The following ME1 variants were observed in gnomAD, a reference collection of about 807,000 sequenced individuals.
The protein encoded by ME1 is malic enzyme 1, also known as NADP-dependent malic enzyme.
A neutral mutation model predicts 66.4 loss-of-function variants in ME1; 74 were observed. The observed-to-expected ratio is 1.11, with a 90% CI of 0.92 to 1.35. The LOEUF is 1.35. Ranked by LOEUF, ME1 falls within the 40% of genes most tolerant of loss-of-function variation. ME1 has a pLI of 0.00. For missense variants in ME1, 750 were observed against 694.1 expected (o/e 1.08, Z -0.90); for synonymous variants, 251 against 235.6 (o/e 1.07, Z -0.60).
At chr6:83,401,337 A>C (rs1385859401) in intron 2 of ME1, among the ~76,000 whole-genome samples, 1 of 151,928 alleles carries the variant, frequency 6.6e-6, no homozygotes, top group East Asian at 1.9e-4. Context: ...CCTTTCTCAA[A>C]ATAATAATAA....
At chr6:83,422,021 A>T (rs1770277791) in intron 1 of ME1, among the ~76,000 whole-genome samples, 1 of 152,176 alleles carries the variant, frequency 6.6e-6, no homozygotes, top group Non-Finnish European at 1.5e-5. Flanking sequence ...TTTTCCGGCC[A>T]TGAGGACTGG....
chr6:83,384,135 C>A (rs1279837460), intron 3 of ME1, among the ~76,000 whole-genome samples: 1 of 151,738 alleles, frequency 6.6e-6, no homozygotes, highest in Non-Finnish European at 1.5e-5. Context: ...ACGAACATAC[C>A]AGTGCATGTG....
chr6:83,394,198 T>A (rs936865482), intron 3 of ME1, among the ~76,000 whole-genome samples: 1 of 152,086 alleles, frequency 6.6e-6, no homozygotes, highest in Non-Finnish European at 1.5e-5. Flanking sequence ...TTAATGTAAC[T>A]ATTACATAAA....
chr6:83,323,729 A>C (rs1331885952), intron 5 of ME1, among the ~76,000 whole-genome samples: 1 of 152,180 alleles, frequency 6.6e-6, no homozygotes, highest in African/African-American at 2.4e-5. Context: ...CTCCCACAAA[A>C]TAATAGTGGA....
chr6:83,340,783 C>G (rs964965951), intron 5 of ME1, among the ~76,000 whole-genome samples: 2 of 151,898 alleles, frequency 1.3e-5, no homozygotes, highest in Non-Finnish European at 2.9e-5. Context: ...GTTTATATAG[C>G]ATAGGAACTA....
At chr6:83,315,176 AATAG>A (rs558449683) in intron 6 of ME1, 130 bp downstream of exon 6, 224 of 602,208 alleles carry the variant, frequency 3.7e-4, no homozygotes, top group Middle Eastern at 9.0e-4. Flanking sequence ...GTTATGAGGA[AATAG>A]ATAGGATATA....
chr6:83,294,073 C>T (rs918146354), intron 6 of ME1, among the ~76,000 whole-genome samples: 2 of 152,140 alleles, frequency 1.3e-5, no homozygotes, highest in Admixed American at 1.3e-4. Context: ...TAAATGTTTG[C>T]ATATTAAATT....
At chr6:83,255,336 G>A (rs1202053311) in intron 6 of ME1, among the ~76,000 whole-genome samples, 1 of 151,530 alleles carries the variant, frequency 6.6e-6, no homozygotes, top group Non-Finnish European at 1.5e-5. Flanking sequence ...TATTGCAAAT[G>A]GCTTTTCTAA....
In ME1 at chr6:83,245,746, TCTTTTGTA is replaced by T. The variant is rs536708482; in HGVS notation, c.815-6118_815-6111del. Among the ~76,000 whole-genome samples the T allele has an allele frequency of 9.4e-4, 143 of 152,336 alleles. 3 individuals carry two copies. The highest frequency in any genetic ancestry group is 1.9e-4 in the East Asian group (1 of 5,182). On this transcript the variant is annotated intron_variant, in intron 7 of 13. Transcript: ENST00000369705. Reference sequence around the variant, plus strand: ...ATTTTAAAATTCTTCCATGTTACATTCTTTTGTAATAAAAATATTCAACAAAATATTCT... The same window carrying T: ...ATTTTAAAATTCTTCCATGTTACATTATAAAAATATTCAACAAAATATTCT...
chr6:83,292,806 C>T (rs983653112), intron 6 of ME1, among the ~76,000 whole-genome samples: 2 of 152,082 alleles, frequency 1.3e-5, no homozygotes, highest in Non-Finnish European at 2.9e-5. Context: ...TGCCGCTTTG[C>T]TTACACTGTG....
chr6:83,399,161 A>AT (rs1028143577), intron 2 of ME1, among the ~76,000 whole-genome samples: 1 of 149,548 alleles, frequency 6.7e-6, no homozygotes, highest in Non-Finnish European at 1.5e-5. Flanking sequence ...AGCCCGGCTA[A>AT]TTTTTTTTGT....
chr6:83,388,102 T>C (rs557180169), intron 3 of ME1, among the ~76,000 whole-genome samples: 2 of 150,804 alleles, frequency 1.3e-5, no homozygotes, highest in African/African-American at 4.9e-5. Flanking sequence ...TTTTTTTTTT[T>C]GGACAGGATC....
intron 3 of ME1, among the ~76,000 whole-genome samples, chr6:83,361,107 T>C (rs1768999786): frequency 6.6e-6 from 1 of 152,226 alleles, no homozygotes; most frequent in African/African-American, 2.4e-5. Flanking sequence ...TCCATTACAT[T>C]GATGACATTA....
At chr6:83,371,361 CA>C (rs1227946553) in intron 3 of ME1, among the ~76,000 whole-genome samples, 3 of 152,088 alleles carry the variant, frequency 2.0e-5, no homozygotes, top group African/African-American at 7.2e-5. Flanking sequence ...TATCTAAACC[CA>C]AAACTAACTG....
chr6:83,385,559 T>C (rs745779260), intron 3 of ME1, among the ~76,000 whole-genome samples: 2 of 151,936 alleles, frequency 1.3e-5, no homozygotes, highest in African/African-American at 2.4e-5. Context: ...TACTTTATAT[T>C]TTTAATGGCA....
intron 2 of ME1, among the ~76,000 whole-genome samples, chr6:83,401,200 T>C (rs1353610939): frequency 2.0e-5 from 3 of 152,314 alleles, no homozygotes; most frequent in South Asian, 2.1e-4. Context: ...CCAGGCATGG[T>C]GGAGCATGCC....
intron 6 of ME1, among the ~76,000 whole-genome samples, chr6:83,278,014 G>A (rs191666060): frequency 6.6e-6 from 1 of 151,982 alleles, no homozygotes; most frequent in Non-Finnish European, 1.5e-5. Context: ...TGAATCTAGG[G>A]TCAGAGTTTC....
chr6:83,392,397 G>C (rs866999773), intron 3 of ME1: 1 of 497,380 alleles, frequency 2.0e-6, no homozygotes, highest in Non-Finnish European at 3.9e-6. Context: ...TGCATTGCCA[G>C]CTGCATCCCT....
chr6:83,302,649 C>T (rs935689435), intron 6 of ME1, among the ~76,000 whole-genome samples: 2 of 152,060 alleles, frequency 1.3e-5, no homozygotes, highest in Non-Finnish European at 2.9e-5. Flanking sequence ...CTTCTCTAAT[C>T]CAGTCTAGAT....
Sources: gnomAD v4.1 joint callset for allele counts (sites outside exome capture counted in the v4.1 genomes callset) on GRCh38, gnomAD v4.1.1 for gene constraint, MANE v1.5 for transcripts, NCBI Gene and HGNC (gene_info 2026-07-23, HGNC 2026-07-21) for gene names.